The following MGST1 variants were observed in gnomAD, a reference collection of about 807,000 sequenced individuals.
MGST1 encodes the protein microsomal glutathione S-transferase 1.
In MGST1, 5 loss-of-function variants were observed where a neutral mutation model predicts 8.9. The ratio of observed to expected loss-of-function variants is 0.56; its 90% CI spans 0.29 to 1.19. The LOEUF is 1.19. Ranked by LOEUF, MGST1 falls within the 50% of genes most tolerant of loss-of-function variation. The pLI is 0.08. For synonymous variants in MGST1, 54 were observed against 67.8 expected (o/e 0.80, Z 1.00); for missense variants, 182 against 187.4 (o/e 0.97, Z 0.17).
chr12:16,368,391 G>C (rs892721125), downstream of MGST1, among the ~76,000 whole-genome samples: 1 of 152,152 alleles, frequency 6.6e-6, no homozygotes, highest in Non-Finnish European at 1.5e-5. Context: ...TGAGAAGTGA[G>C]GCAATTTGCC....
intron 4 of MGST1, among the ~76,000 whole-genome samples, chr12:16,476,543 C>T (rs949601977): frequency 1.3e-5 from 2 of 152,122 alleles, no homozygotes; most frequent in African/African-American, 4.8e-5. Context: ...TCAAAGAGGA[C>T]AAAATCTAGA....
At position 16,389,967 on chromosome 12, in the gene MGST1, C is replaced by T. The variant is rs1276501197; in HGVS notation, n.778+6363C>T. Reference sequence around the variant, plus strand: ...AAAGGGAGTTGAAGTGCAATACAGACTGCAGCTCCATCCGTCAGAGGGTTG... The same window carrying T: ...AAAGGGAGTTGAAGTGCAATACAGATTGCAGCTCCATCCGTCAGAGGGTTG... On this transcript the variant is annotated intron_variant and non_coding_transcript_variant, in intron 1 of 1. Transcript: ENST00000359720. The surrounding 1 kb of genome is among the most constrained non-coding windows in gnomAD (Gnocchi z 4.6). Among the ~76,000 whole-genome samples, 1 of 152,198 alleles carries T rather than the reference C, an allele frequency of 6.6e-6. No homozygotes were observed.
At chr12:16,499,510 G>GA (rs1279958506) in intron 4 of MGST1, among the ~76,000 whole-genome samples, 1 of 151,890 alleles carries the variant, frequency 6.6e-6, no homozygotes, top group Non-Finnish European at 1.5e-5. Context: ...AGATTTGGGG[G>GA]AAAAAAAGTT....
downstream of MGST1, chr12:16,364,425 A>C: frequency 1.0e-6 from 1 of 979,986 alleles, no homozygotes; most frequent in Non-Finnish European, 1.2e-6. This position sits in a 1 kb window ranked among gnomAD's most constrained non-coding sequence, Gnocchi z 5.7. Flanking sequence ...GTTTGGTTTT[A>C]TTTTTCCCAA....
chr12:16,401,638 C>A lies in MGST1; in HGVS notation n.778+18034C>A. 6.3e-7 allele frequency: 1 copy of A among 1,593,750 alleles called. No homozygotes were observed. Among genetic ancestry groups the A allele is most frequent in the Non-Finnish European group, 8.6e-7 (1 of 1,161,496 alleles). On this transcript the variant is annotated intron_variant and non_coding_transcript_variant, in intron 1 of 1. Transcript: ENST00000359720. This position sits in a 1 kb window ranked among gnomAD's most constrained non-coding sequence, Gnocchi z 4.3. ...GCCCCAAAATACATGTGATTCTTGTCACTCACCACACTGAACTTGAGATTA... is the reference window on the plus strand; with the variant it reads ...GCCCCAAAATACATGTGATTCTTGTAACTCACCACACTGAACTTGAGATTA...
chr12:16,568,022 T>G (rs1942677016), intron 4 of MGST1, among the ~76,000 whole-genome samples: 1 of 152,190 alleles, frequency 6.6e-6, no homozygotes, highest in South Asian at 2.1e-4. Context: ...TTTAACTGTT[T>G]GATTTTTTGG....
intron 4 of MGST1, among the ~76,000 whole-genome samples, chr12:16,485,318 A>G (rs535325441): frequency 6.6e-6 from 1 of 152,312 alleles, no homozygotes; most frequent in East Asian, 1.9e-4. Flanking sequence ...GTTCGGTGTA[A>G]TAGCCACCAG....
At chr12:16,491,691 C>G (rs1447593492) in intron 4 of MGST1, among the ~76,000 whole-genome samples, 1 of 152,126 alleles carries the variant, frequency 6.6e-6, no homozygotes, top group Non-Finnish European at 1.5e-5. Context: ...TCATCAAGTT[C>G]AAGGTGATGT....
intron 1 of MGST1, chr12:16,399,439 G>A (rs1276731588): frequency 4.9e-5 from 76 of 1,541,662 alleles, no homozygotes; most frequent in Non-Finnish European, 6.5e-5. Flanking sequence ...TCCGCTTTTC[G>A]GGCTTCTTCC....
In MGST1 at chr12:16,577,777, CATA is replaced by C. The variant is rs1464728689; in HGVS notation, n.483-11744_483-11742del. Among the ~76,000 whole-genome samples, 4 of 152,146 alleles carry C rather than the reference CATA, an allele frequency of 2.6e-5. No individual in the cohort carries two copies. In the East Asian group the frequency reaches 7.7e-4, roughly 29 times the overall value. On this transcript the variant is annotated intron_variant and non_coding_transcript_variant, in intron 4 of 4. Transcript: ENST00000538857. ...ACTTACAATGGCTCCATCTCACCAA[CATA>C]ATAATATTCAGGTTGCCCATGATGG... is the stretch of plus-strand genomic sequence containing the variant.
intron 4 of MGST1, among the ~76,000 whole-genome samples, chr12:16,521,930 A>C (rs2137190738): frequency 7.5e-6 from 1 of 133,238 alleles, no homozygotes; most frequent in Non-Finnish European, 1.6e-5. Context: ...TCTATCCTGA[A>C]GAATAACCCC....
chr12:16,403,254 A>C (rs1940674860), intron 1 of MGST1, among the ~76,000 whole-genome samples: 1 of 152,154 alleles, frequency 6.6e-6, no homozygotes, highest in African/African-American at 2.4e-5. Context: ...CCCATAGATC[A>C]TATAGACATG....
chr12:16,380,007 T>A (rs575790089), downstream of MGST1, among the ~76,000 whole-genome samples: 43 of 152,332 alleles, frequency 2.8e-4, no homozygotes, highest in East Asian at 8.1e-3. Context: ...CCTTTATCAT[T>A]TTTTATTGCA....
chr12:16,402,460 G>A (rs577221985), intron 1 of MGST1: 15 of 1,582,816 alleles, frequency 9.5e-6, no homozygotes, highest in South Asian at 8.9e-5. Flanking sequence ...TGAGAATCAC[G>A]CGATGTCCCG....
intron 1 of MGST1, among the ~76,000 whole-genome samples, chr12:16,418,744 T>C (rs914128379): frequency 5.3e-5 from 8 of 152,134 alleles, no homozygotes; most frequent in Admixed American, 3.9e-4. Context: ...TCAAGAGGGA[T>C]ACTAATAATA....
At chr12:16,392,475 G>A (rs2137053510) in intron 1 of MGST1, among the ~76,000 whole-genome samples, 1 of 152,084 alleles carries the variant, frequency 6.6e-6, no homozygotes, top group East Asian at 1.9e-4. Context: ...TAAACTTTCT[G>A]GAAGAATGTT....
chr12:16,569,358 C>T (rs780164082), intron 4 of MGST1, among the ~76,000 whole-genome samples: 4 of 152,130 alleles, frequency 2.6e-5, no homozygotes, highest in Non-Finnish European at 5.9e-5. Context: ...CTCTAGGTTT[C>T]TGGACTGACA....
At chr12:16,466,667 A>G (rs951427906) in intron 4 of MGST1, among the ~76,000 whole-genome samples, 1 of 152,250 alleles carries the variant, frequency 6.6e-6, no homozygotes, top group Non-Finnish European at 1.5e-5. Flanking sequence ...AGGAGAAACT[A>G]CAGAAACCTA....
downstream of MGST1, among the ~76,000 whole-genome samples, chr12:16,441,759 A>AT: frequency 6.6e-6 from 1 of 151,950 alleles, no homozygotes; most frequent in South Asian, 2.1e-4. Context: ...ATTTTGGTTG[A>AT]TTCCAAGTTC....
Sources: allele counts gnomAD v4.1 joint callset (sites outside exome capture counted in the v4.1 genomes callset), GRCh38; gene constraint gnomAD v4.1.1; non-coding constraint Gnocchi (gnomAD v3.1); transcripts MANE v1.5; gene names NCBI Gene and HGNC (gene_info 2026-07-23, HGNC 2026-07-21).